Variants in GABRA3 observed in about 807,000 individuals in gnomAD.
The protein encoded by GABRA3 is gamma-aminobutyric acid type A receptor subunit alpha3.
Under a neutral mutation model 30.1 loss-of-function variants are expected in GABRA3, and 10 were observed. The observed-to-expected ratio is 0.33, with a 90% CI of 0.20 to 0.56. The LOEUF is 0.56. Ranked by LOEUF, GABRA3 falls within the 20% of genes least tolerant of loss-of-function variation. The probability of loss-of-function intolerance (pLI) is 0.89; values close to 1 mark genes in which losing one functional copy is unlikely to be tolerated. For synonymous variants in GABRA3, 151 were observed against 146.8 expected, an observed-to-expected ratio of 1.03 and a Z score of -0.21; for missense variants, 233 against 392.0, an observed-to-expected ratio of 0.59 and a Z score of 3.42.
At chrX:152,231,321 G>C (rs1938074919) in intron 5 of GABRA3, among the ~76,000 whole-genome samples, 1 of 108,854 alleles carries the variant, frequency 9.2e-6, no homozygotes, top group Non-Finnish European at 1.9e-5. Flanking sequence ...ACACGTGTGT[G>C]TGTACACGTG....
chrX:152,336,552 A>G (rs1940237567), intron 3 of GABRA3, among the ~76,000 whole-genome samples: 1 of 112,172 alleles, frequency 8.9e-6, no homozygotes, highest in Non-Finnish European at 1.9e-5. Flanking sequence ...ATACACATCT[A>G]GAAATACTTG....
At chrX:152,248,555 T>A (rs934152328) in intron 5 of GABRA3, among the ~76,000 whole-genome samples, 1 of 111,749 alleles carries the variant, frequency 8.9e-6, no homozygotes, top group Non-Finnish European at 1.9e-5. Flanking sequence ...CGCTTGTCAA[T>A]GGGGAACACC....
At chrX:152,360,712 TAA>T (rs1290227612) in intron 2 of GABRA3, among the ~76,000 whole-genome samples, 2 of 31,501 alleles carry the variant, frequency 6.3e-5, no homozygotes, top group African/African-American at 1.3e-4. Context: ...AAAAAAAAAT[TAA>T]AAAAAAAAAA....
intron 4 of GABRA3, among the ~76,000 whole-genome samples, chrX:152,268,509 C>T (rs892711366): frequency 1.8e-5 from 2 of 112,174 alleles, no homozygotes; most frequent in Non-Finnish European, 3.8e-5. Flanking sequence ...TCCATTAAAC[C>T]TCTTTCCTTT....
At chrX:152,359,523 T>G (rs1928419786) in intron 2 of GABRA3, among the ~76,000 whole-genome samples, 1 of 111,216 alleles carries the variant, frequency 9.0e-6, no homozygotes, top group African/African-American at 3.3e-5. Context: ...GACTTAATCT[T>G]TTGTATGTTT....
intron 5 of GABRA3, among the ~76,000 whole-genome samples, chrX:152,235,147 C>T (rs907668568): frequency 2.7e-5 from 3 of 111,607 alleles, no homozygotes; most frequent in Non-Finnish European, 3.8e-5. Context: ...CTACTTTCAT[C>T]GGTGTTTTGT....
Position 152,348,327 on chromosome X carries a change from G to A in GABRA3, c.141-2625C>T, listed in dbSNP as rs763107638. Among the ~76,000 whole-genome samples the A allele has an allele frequency of 1.1e-3, 125 of 111,496 alleles. 1 individual carries two copies. Among genetic ancestry groups the A allele is most frequent in the African/African-American group, 3.8e-3 (117 of 30,761 alleles). ...AGACACCTAAGACACCAACACCAAA[G>A]AGAGAAATGAATTGCTTGATGCTAT... On this transcript the variant is annotated intron_variant, in intron 2 of 9. Transcript: ENST00000370314.
chrX:152,199,956 G>C (rs1382764239), intron 7 of GABRA3, among the ~76,000 whole-genome samples: 1 of 111,408 alleles, frequency 9.0e-6, no homozygotes, highest in African/African-American at 3.3e-5. Flanking sequence ...CTACCACCCT[G>C]GTCTAAGCCA....
At chrX:152,268,061 T>C (rs1180301126) in intron 4 of GABRA3, among the ~76,000 whole-genome samples, 1 of 111,581 alleles carries the variant, frequency 9.0e-6, no homozygotes, top group Non-Finnish European at 1.9e-5. Context: ...GTTTTTGAAG[T>C]GCATCATTAG....
In GABRA3 at chrX:152,431,168, A is replaced by C. The variant is rs1444135153; in HGVS notation, c.-27+19978T>G. 3.6e-5 allele frequency among the ~76,000 whole-genome samples: 4 copies of C among 111,844 alleles called. No homozygotes were observed. The Admixed American group carries it at 3.8e-4, about 11-fold the overall frequency. ...TCAGATTTCCTAGCAGATACTCTGG[A>C]AGCTAGAAGGTAGTGGAGCAATGTT... is the stretch of plus-strand genomic sequence containing the variant. On this transcript the variant is annotated intron_variant, in intron 1 of 9. Transcript: ENST00000370314.
Position 152,199,195 on chromosome X carries a change from T to C in GABRA3, c.779-1410A>G, listed in dbSNP as rs184258066. ...TCCTGGCTAACATGGTGAAACCCCA[T>C]CTCTACTAAAAATACAAAATATTAG... On this transcript the variant is annotated intron_variant, in intron 7 of 9. Coordinates refer to ENST00000370314, the MANE Select transcript of GABRA3 (RefSeq NM_000808.4). 4.7e-3 allele frequency among the ~76,000 whole-genome samples: 503 copies of C among 107,764 alleles called. 5 individuals are homozygous for C. The Middle Eastern group carries it at 0.081, about 17-fold the overall frequency. The allele number at this position is 107,764 out of a possible 115,157, so 93.6% of individuals were successfully genotyped here.
chrX:152,331,255 C>T (rs1940161713), intron 3 of GABRA3, among the ~76,000 whole-genome samples: 1 of 108,776 alleles, frequency 9.2e-6, no homozygotes, highest in East Asian at 2.9e-4. Context: ...ATCTACAGAA[C>T]TTCTTAGGAA....
chrX:152,298,030 G>C (rs554197890), intron 3 of GABRA3, among the ~76,000 whole-genome samples: 10 of 112,360 alleles, frequency 8.9e-5, no homozygotes, highest in African/African-American at 3.2e-4. Flanking sequence ...CAAGCTGAGA[G>C]CCAGAGGAGA....
rs904653131 is a variant in GABRA3, at chrX:152,167,922, G to A, written c.*306C>T. 14 of 298,414 alleles carry A rather than the reference G, an allele frequency of 4.7e-5. No homozygotes were observed. The highest frequency in any genetic ancestry group is 7.6e-5 in the Non-Finnish European group (13 of 170,966). 24.6% of individuals were successfully genotyped at this position (298,414 alleles called of 1,213,427 possible). A position where few individuals can be genotyped will look rare whatever the true frequency, so the allele number is the denominator to read the frequency against. On this transcript the variant is annotated 3_prime_UTR_variant, in exon 10 of 10. Transcript: ENST00000370314. ...AGTAGAATCTCTTGTTCTTTTTGCA[G>A]CGGGCAGAGTGCAATAAAATACATG...
At chrX:152,435,865 T>C (rs954623658) in intron 1 of GABRA3, among the ~76,000 whole-genome samples, 1 of 111,749 alleles carries the variant, frequency 8.9e-6, no homozygotes, top group African/African-American at 3.2e-5. Context: ...TTAATTGTAT[T>C]GCTATGCACT....
At chrX:152,412,454 G>A (rs1023612461) in intron 1 of GABRA3, among the ~76,000 whole-genome samples, 1 of 112,059 alleles carries the variant, frequency 8.9e-6, no homozygotes, top group Non-Finnish European at 1.9e-5. Flanking sequence ...ATAAACAAAT[G>A]TGACATACAC....
At chrX:152,283,481 C>T (rs1379881960) in intron 4 of GABRA3, among the ~76,000 whole-genome samples, 1 of 111,981 alleles carries the variant, frequency 8.9e-6, no homozygotes, top group Non-Finnish European at 1.9e-5. Flanking sequence ...AACTAGCCAG[C>T]TTTTCCAATT....
At chrX:152,263,517 G>A (rs1938768701) in intron 4 of GABRA3, among the ~76,000 whole-genome samples, 1 of 110,376 alleles carries the variant, frequency 9.1e-6, no homozygotes, top group South Asian at 3.8e-4. Flanking sequence ...CTATTTGAAT[G>A]TACACAGTAA....
At chrX:152,270,889 T>G (rs1007182725) in intron 4 of GABRA3, among the ~76,000 whole-genome samples, 1 of 107,972 alleles carries the variant, frequency 9.3e-6, no homozygotes, top group Non-Finnish European at 1.9e-5. Flanking sequence ...TTTGGGAAAC[T>G]TTGGAACTTC....
Sources: gnomAD v4.1 joint callset for allele counts (sites outside exome capture counted in the v4.1 genomes callset) on GRCh38, gnomAD v4.1.1 for gene constraint, MANE v1.5 for transcripts, NCBI Gene and HGNC (gene_info 2026-07-23, HGNC 2026-07-21) for gene names.